Variants in CTTNBP2 observed in about 807,000 individuals in gnomAD.
CTTNBP2 encodes cortactin-binding protein 2.
In CTTNBP2, 108 loss-of-function variants were observed where a neutral mutation model predicts 156.9. That is an observed-to-expected ratio of 0.69 (90% CI 0.59 to 0.81). The LOEUF (loss-of-function observed/expected upper bound fraction) is 0.81. CTTNBP2 is among the 30% of genes least tolerant of loss of function. The probability of loss-of-function intolerance (pLI) is 0.00; values close to 1 mark genes in which losing one functional copy is unlikely to be tolerated. For synonymous variants in CTTNBP2, 767 were observed against 751.8 expected (o/e 1.02, Z -0.33); for missense variants, 1,924 against 2,035.4 (o/e 0.95, Z 1.05).
In CTTNBP2 at chr7:117,760,643, G is replaced by A; in HGVS notation, c.2964C>T (p.Asp988=). The change falls in exon 10 of 23, where the codon GAC becomes GAT. Residue 988 remains aspartate (D), a synonymous_variant. Coordinates refer to ENST00000160373, the MANE Select transcript of CTTNBP2 (RefSeq NM_033427.3). ...CACATATTGTGTTTTCACATTCCAA[G>A]TCATCAGAACCATAGTTGCTTGGTT... ...EIEPSNYGSD[D]LECENTICAL... is the part of the protein sequence containing the mutation. The A allele has an allele frequency of 6.2e-7, 1 of 1,613,688 alleles. No homozygotes were observed. Among genetic ancestry groups the A allele is most frequent in the Non-Finnish European group, 8.5e-7 (1 of 1,179,728 alleles).
intron 8 of CTTNBP2, among the ~76,000 whole-genome samples, chr7:117,769,087 G>GT (rs1562988409): frequency 6.6e-6 from 1 of 152,194 alleles, no homozygotes; most frequent in Non-Finnish European, 1.5e-5. Context: ...GCATGAACAT[G>GT]TTCTACGTTA....
chr7:117,848,707 C>T (rs1802753163), intron 2 of CTTNBP2, among the ~76,000 whole-genome samples: 1 of 152,192 alleles, frequency 6.6e-6, no homozygotes, highest in Admixed American at 6.5e-5. Flanking sequence ...AGCTCAGCTT[C>T]TGGTTTATGT....
At chr7:117,767,220 A>C (rs1305437475) in intron 8 of CTTNBP2, 44 bp from the exon 9 acceptor site, 1 of 1,073,186 alleles carries the variant, frequency 9.3e-7, no homozygotes, top group African/African-American at 1.6e-5. Context: ...CAAATGAATT[A>C]ACTTGAATGC....
At chr7:117,811,316 C>G (rs140625980) in intron 2 of CTTNBP2, among the ~76,000 whole-genome samples, 2 of 152,032 alleles carry the variant, frequency 1.3e-5, no homozygotes, top group African/African-American at 4.8e-5. Flanking sequence ...CCCTCCACCC[C>G]GCCCAACAGG....
intron 4 of CTTNBP2, among the ~76,000 whole-genome samples, chr7:117,787,401 G>T (rs1798758397): frequency 6.6e-6 from 1 of 152,150 alleles, no homozygotes; most frequent in South Asian, 2.1e-4. Flanking sequence ...AGCTTCAGAG[G>T]GTGGAGAAGG....
chr7:117,765,027 C>T (rs1797409061), intron 9 of CTTNBP2, among the ~76,000 whole-genome samples: 1 of 152,120 alleles, frequency 6.6e-6, no homozygotes, highest in Non-Finnish European at 1.5e-5. Context: ...CCTCTGCCTC[C>T]CGGGTTCAAA....
At chr7:117,761,296 A>C (rs775385244) in intron 9 of CTTNBP2, among the ~76,000 whole-genome samples, 1 of 152,248 alleles carries the variant, frequency 6.6e-6, no homozygotes, top group Non-Finnish European at 1.5e-5. Context: ...TAGATTTTAC[A>C]TATTCTTATG....
chr7:117,791,556 G>A lies in CTTNBP2; in HGVS notation c.1640C>T (p.Pro547Leu), dbSNP rs1799012314. The A allele has an allele frequency of 6.2e-7, 1 of 1,614,032 alleles. No individual in the cohort carries two copies. The highest frequency in any genetic ancestry group is 8.5e-7 in the Non-Finnish European group (1 of 1,180,018). ...VDRGNPPPIP[P>L]KKPGLSQTPS... is the part of the protein sequence containing the mutation. Reference sequence around the variant, plus strand: ...AGTTTGGGAGAGCCCTGGCTTTTTTGGAGGGATAGGAGGAGGATTTCCTCT... The same window carrying A: ...AGTTTGGGAGAGCCCTGGCTTTTTTAGAGGGATAGGAGGAGGATTTCCTCT... The change falls in exon 4 of 23, where the codon CCA becomes CTA. Residue 547 changes from proline (P) to leucine (L), a missense_variant. By Grantham distance (98) the Pro-to-Leu change is moderately conservative. Transcript: ENST00000160373.
chr7:117,760,755 GA>G (rs753891379), intron 9 of CTTNBP2, 45 bp from the exon 10 acceptor site: 86 of 1,280,996 alleles, frequency 6.7e-5, no homozygotes, highest in Admixed American at 2.2e-4. Context: ...AATCTGGACA[GA>G]AAAAAAAAGT....
chr7:117,811,860 A>T (rs1211787644), intron 2 of CTTNBP2, among the ~76,000 whole-genome samples: 2 of 40,628 alleles, frequency 4.9e-5, no homozygotes, highest in African/African-American at 1.7e-4. Flanking sequence ...ATTTTAATGT[A>T]AAAATTTTAA....
rs1348879849 is a variant in CTTNBP2, at chr7:117,791,131, A to T, written c.2065T>A (p.Ser689Thr). 12 of 1,612,282 alleles carry T rather than the reference A, an allele frequency of 7.4e-6. No individual in the cohort carries two copies. The highest frequency in any genetic ancestry group is 1.0e-5 in the Non-Finnish European group (12 of 1,178,610). ...TATAACATTTCAATCCCTTTACCTG[A>T]TGCTGTTACCAGGAGGCTGTCTGAG... ...GASDSLLVTASGWSPSLTPLL... is the reference protein window; with the variant it reads ...GASDSLLVTATGWSPSLTPLL... The change falls in exon 4 of 23, where the codon TCA (serine) becomes ACA (threonine). Residue 689 changes from serine to threonine, a missense_variant. Physicochemically the swap from Ser to Thr is moderately conservative, Grantham distance 58. Transcript: ENST00000160373.
At position 117,763,962 on chromosome 7, in the gene CTTNBP2, G is replaced by C. The variant is rs145911637; in HGVS notation, c.2896+3097C>G. Among the ~76,000 whole-genome samples, 332 of 152,004 alleles carry C rather than the reference G, an allele frequency of 2.2e-3. 1 individual carries two copies. The highest frequency in any genetic ancestry group is 7.6e-3 in the African/African-American group (314 of 41,478). ...AAATATTTTCTGCCCTAAAAATGGG[G>C]GTTTCTCTGGGCTTGGCCTTCAGTT... On this transcript the variant is annotated intron_variant, in intron 9 of 22. Transcript: ENST00000160373.
rs560386129 is a variant in CTTNBP2, at chr7:117,775,061, C to T, written c.2778+2450G>A. ...GAGAAGGAAGTATGGTACAATGAAACGACTAATGGACTCAGGCAATCTGGG... is the reference window on the plus strand; with the variant it reads ...GAGAAGGAAGTATGGTACAATGAAATGACTAATGGACTCAGGCAATCTGGG... On this transcript the variant is annotated intron_variant, in intron 8 of 22. Coordinates refer to ENST00000160373, the MANE Select transcript of CTTNBP2 (RefSeq NM_033427.3). 4.6e-5 allele frequency among the ~76,000 whole-genome samples: 7 copies of T among 152,208 alleles called. No individual in the cohort carries two copies. The South Asian group carries it at 6.2e-4, about 14-fold the overall frequency.
chr7:117,858,466 T>C (rs535663305), intron 2 of CTTNBP2, among the ~76,000 whole-genome samples: 1 of 152,378 alleles, frequency 6.6e-6, no homozygotes, highest in East Asian at 1.9e-4. Flanking sequence ...GAAGCTCTTA[T>C]GCATGCCATA....
At chr7:117,741,629 T>G (rs1392248383) in intron 14 of CTTNBP2, among the ~76,000 whole-genome samples, 1 of 152,248 alleles carries the variant, frequency 6.6e-6, no homozygotes, top group Non-Finnish European at 1.5e-5. Flanking sequence ...ATTTTTATTC[T>G]GTATTTGGAG....
chr7:117,773,715 A>T (rs1437420011), intron 8 of CTTNBP2, among the ~76,000 whole-genome samples: 1 of 149,734 alleles, frequency 6.7e-6, no homozygotes, highest in African/African-American at 2.5e-5. Context: ...ACACCCCAAA[A>T]AACAAAAAGC....
Position 117,722,413 on chromosome 7 carries a change from A to AAGTT in CTTNBP2, c.4448-1287_4448-1284dup, listed in dbSNP as rs1233165554. 5.3e-5 allele frequency among the ~76,000 whole-genome samples: 8 copies of AAGTT among 152,272 alleles called. No individual in the cohort carries two copies. The South Asian group carries it at 1.7e-3, about 32-fold the overall frequency. ...TGACTCATGAATTATATACTTTGTA[A>AAGTT]AGTTAACTTTTAGAAATTTCCTTGA... On this transcript the variant is annotated intron_variant, in intron 19 of 22. Transcript: ENST00000160373.
At position 117,792,828 on chromosome 7, in the gene CTTNBP2, T is replaced by C; in HGVS notation, c.415-47A>G. On this transcript the variant is annotated intron_variant, in intron 3 of 22. Transcript: ENST00000160373. This position sits in a 1 kb window ranked among gnomAD's most constrained non-coding sequence, Gnocchi z 4.2. ...ACCCTGATTAATATACAGAATTTTCTTTTCACCAAGGAAATGCTTTTTGTG... is the reference window on the plus strand; with the variant it reads ...ACCCTGATTAATATACAGAATTTTCCTTTCACCAAGGAAATGCTTTTTGTG... 7.6e-7 allele frequency: 1 copy of C among 1,321,618 alleles called. No individual in the cohort carries two copies. The highest frequency in any genetic ancestry group is 2.6e-4 in the Middle Eastern group (1 of 3,862). The allele number at this position is 1,321,618 out of a possible 1,614,324, so 81.9% of individuals were successfully genotyped here.
intron 14 of CTTNBP2, among the ~76,000 whole-genome samples, chr7:117,736,035 A>G (rs1317474271): frequency 6.6e-6 from 1 of 152,186 alleles, no homozygotes; most frequent in East Asian, 1.9e-4. Context: ...TGGTTATTTT[A>G]TTTTAAATTA....
Sources: gnomAD v4.1 joint callset for allele counts (sites outside exome capture counted in the v4.1 genomes callset) on GRCh38, gnomAD v4.1.1 for gene constraint, Gnocchi (gnomAD v3.1) non-coding constraint, MANE v1.5 for transcripts, NCBI Gene and HGNC (gene_info 2026-07-23, HGNC 2026-07-21) for gene names.